The following TANGO6 variants were observed in gnomAD, a reference collection of about 807,000 sequenced individuals.
TANGO6 encodes the protein transport and Golgi organization protein 6 homolog.
Under a neutral mutation model 114.2 loss-of-function variants are expected in TANGO6, and 90 were observed. The ratio of observed to expected loss-of-function variants is 0.79; its 90% CI spans 0.66 to 0.94. The LOEUF (loss-of-function observed/expected upper bound fraction) is 0.94. Ranked by LOEUF, TANGO6 falls within the 40% of genes least tolerant of loss-of-function variation. The pLI, the probability that TANGO6 is intolerant of heterozygous loss-of-function variation, is 0.00. For synonymous variants in TANGO6, 477 were observed against 509.8 expected (o/e 0.94, Z 0.87); for missense variants, 1,274 against 1,315.3 (o/e 0.97, Z 0.49).
intron 7 of TANGO6, among the ~76,000 whole-genome samples, chr16:68,882,999 C>T (rs772412998): frequency 2.6e-5 from 4 of 152,134 alleles, no homozygotes; most frequent in African/African-American, 9.7e-5. Flanking sequence ...GCTTGGAAAA[C>T]AGAGCGAGAC....
At chr16:69,038,157 G>T (rs922775343) in intron 16 of TANGO6, among the ~76,000 whole-genome samples, 3 of 152,178 alleles carry the variant, frequency 2.0e-5, no homozygotes, top group African/African-American at 7.2e-5. Flanking sequence ...GGCCAGGTGC[G>T]GTGGCTCATG....
chr16:68,852,452 T>C (rs1961917440), intron 1 of TANGO6, among the ~76,000 whole-genome samples: 1 of 151,968 alleles, frequency 6.6e-6, no homozygotes, highest in South Asian at 2.1e-4. Context: ...GTATTTATAT[T>C]TTCAAAAAAA....
intron 6 of TANGO6, among the ~76,000 whole-genome samples, chr16:68,879,374 T>C (rs1327125947): frequency 1.3e-5 from 2 of 151,950 alleles, no homozygotes; most frequent in East Asian, 3.9e-4. Context: ...TCCCAGCTGC[T>C]CGGGAAGCTG....
intron 7 of TANGO6, among the ~76,000 whole-genome samples, chr16:68,886,709 C>T (rs1197753858): frequency 2.0e-5 from 3 of 152,056 alleles, no homozygotes; most frequent in Non-Finnish European, 4.4e-5. Context: ...CGGGGTTTCA[C>T]CATGTTGACC....
intron 17 of TANGO6, among the ~76,000 whole-genome samples, chr16:69,067,270 AG>A (rs1323460386): frequency 6.6e-6 from 1 of 152,026 alleles, no homozygotes; most frequent in Non-Finnish European, 1.5e-5. Flanking sequence ...GCACTTTGGG[AG>A]GCCAAGACGG....
intron 1 of TANGO6, among the ~76,000 whole-genome samples, chr16:68,846,222 C>T (rs1342391333): frequency 7.2e-5 from 11 of 151,964 alleles, no homozygotes; most frequent in African/African-American, 2.7e-4. Flanking sequence ...GACGGCGTTT[C>T]ACCATGTTGG....
At chr16:68,953,050 T>TTTATTATTATTATTATTA (rs71383944) in intron 14 of TANGO6, among the ~76,000 whole-genome samples, 78 of 139,210 alleles carry the variant, frequency 5.6e-4, no homozygotes, top group East Asian at 2.1e-3. Context: ...ACAGGTATTT[T>TTTATTATTATTATTATTA]TTATTATTAT....
intron 7 of TANGO6, among the ~76,000 whole-genome samples, chr16:68,898,955 A>ATTATTG (rs1962746502): frequency 7.5e-6 from 1 of 132,600 alleles, no homozygotes; most frequent in South Asian, 2.1e-4. Flanking sequence ...CCTTATTATT[A>ATTATTG]TTATTATTAT....
intron 7 of TANGO6, among the ~76,000 whole-genome samples, chr16:68,889,474 A>G (rs1962582319): frequency 1.3e-5 from 2 of 152,218 alleles, no homozygotes; most frequent in African/African-American, 4.8e-5. Context: ...TGTTTAAAAA[A>G]GATCATATTT....
At chr16:68,998,688 G>A (rs377601477) in intron 15 of TANGO6, among the ~76,000 whole-genome samples, 5 of 148,064 alleles carry the variant, frequency 3.4e-5, no homozygotes, top group East Asian at 2.0e-4. Context: ...CCAAGATTGC[G>A]CCACTGCGCT....
intron 17 of TANGO6, 26 bp from the exon 18 acceptor site, chr16:69,083,459 C>A: frequency 6.3e-7 from 1 of 1,589,936 alleles, no homozygotes; most frequent in Non-Finnish European, 8.6e-7. Context: ...AGTAGACAGG[C>A]GGTCATGGCT....
At chr16:68,919,475 G>T (rs1040170838) in intron 12 of TANGO6, among the ~76,000 whole-genome samples, 2 of 151,988 alleles carry the variant, frequency 1.3e-5, no homozygotes, top group Non-Finnish European at 2.9e-5. Flanking sequence ...TCTTAATTTG[G>T]GAACATCTAG....
At chr16:68,961,642 C>T (rs1963592447) in intron 14 of TANGO6, among the ~76,000 whole-genome samples, 1 of 152,114 alleles carries the variant, frequency 6.6e-6, no homozygotes, top group African/African-American at 2.4e-5. Context: ...CGTGTTTTTA[C>T]TTTTTTCCCT....
chr16:69,020,758 G>A (rs561336690), intron 15 of TANGO6, among the ~76,000 whole-genome samples: 24 of 152,126 alleles, frequency 1.6e-4, no homozygotes, highest in African/African-American at 3.4e-4. Flanking sequence ...AAAATTAGGC[G>A]CGATGGCATA....
chr16:68,867,751 C>G (rs1962201794), intron 4 of TANGO6: 1 of 153,528 alleles, frequency 6.5e-6, no homozygotes, highest in East Asian at 1.9e-4. Flanking sequence ...GCAGGAGAAT[C>G]ATTTGAACTT....
At chr16:68,847,186 G>A (rs1225434688) in intron 1 of TANGO6, among the ~76,000 whole-genome samples, 7 of 152,028 alleles carry the variant, frequency 4.6e-5, no homozygotes, top group Non-Finnish European at 1.0e-4. Context: ...CACCGCGCCC[G>A]GCCAAAGAGG....
chr16:69,056,680 C>T (rs1030497025), intron 17 of TANGO6, among the ~76,000 whole-genome samples: 1 of 152,000 alleles, frequency 6.6e-6, no homozygotes, highest in East Asian at 1.9e-4. Flanking sequence ...AATAATGCAA[C>T]CGTCTTATTT....
At chr16:69,081,656 T>C (rs910038307) in intron 17 of TANGO6, among the ~76,000 whole-genome samples, 1 of 152,004 alleles carries the variant, frequency 6.6e-6, no homozygotes, top group Non-Finnish European at 1.5e-5. Context: ...CCCTTATTTT[T>C]GTTTCCCTGT....
chr16:68,978,572 A>T lies in TANGO6; in HGVS notation c.2842+4404A>T, dbSNP rs569725124. Among the ~76,000 whole-genome samples, 14 of 152,286 alleles carry T rather than the reference A, an allele frequency of 9.2e-5. 1 individual carries two copies. In the South Asian group the frequency reaches 1.9e-3, roughly 20 times the overall value. Reference sequence around the variant, plus strand: ...AATCCTTTGAATAACATTAAAGCCCAATTTGACAACATAGCCAATATTCTT... The same window carrying T: ...AATCCTTTGAATAACATTAAAGCCCTATTTGACAACATAGCCAATATTCTT... On this transcript the variant is annotated intron_variant, in intron 15 of 17. Coordinates refer to ENST00000261778, the MANE Select transcript of TANGO6 (RefSeq NM_024562.2).
Sources: gnomAD v4.1 joint callset for allele counts (sites outside exome capture counted in the v4.1 genomes callset) on GRCh38, gnomAD v4.1.1 for gene constraint, MANE v1.5 for transcripts, NCBI Gene and HGNC (gene_info 2026-07-23, HGNC 2026-07-21) for gene names.